The following BRD10 variants were observed in gnomAD, a reference collection of about 807,000 sequenced individuals.
BRD10 encodes the protein bromodomain containing 10.
the BRD10 span, among the ~76,000 whole-genome samples, chr9:5,905,097 C>T: frequency 1.4e-4 from 21 of 152,054 alleles, no homozygotes; most frequent in Non-Finnish European, 2.6e-4. Context: ...TACTTTTTTT[C>T]AGTGGTTTCC....
the BRD10 span, among the ~76,000 whole-genome samples, chr9:5,990,989 A>G: frequency 1.3e-5 from 2 of 152,224 alleles, no homozygotes; most frequent in African/African-American, 4.8e-5. Flanking sequence ...GAGACAGATT[A>G]AATAATGTAC....
At chr9:5,957,648 G>A in the BRD10 span, among the ~76,000 whole-genome samples, 2 of 152,114 alleles carry the variant, frequency 1.3e-5, no homozygotes, top group African/African-American at 4.8e-5. Context: ...ATCTGCTTCT[G>A]TTTGGTTCAG....
At chr9:5,939,607 T>G in the BRD10 span, among the ~76,000 whole-genome samples, 2 of 152,202 alleles carry the variant, frequency 1.3e-5, no homozygotes, top group South Asian at 4.1e-4. Context: ...GGTATTATGA[T>G]TTCAGTGATT....
At chr9:6,007,875 G>T in the BRD10 span, 2 of 1,370,320 alleles carry the variant, frequency 1.5e-6, no homozygotes, top group Non-Finnish European at 1.9e-6. Flanking sequence ...TCACGGCTCG[G>T]CCGCGGCGCG....
At chr9:5,958,047 T>G in the BRD10 span, among the ~76,000 whole-genome samples, 1 of 152,124 alleles carries the variant, frequency 6.6e-6, no homozygotes, top group South Asian at 2.1e-4. Context: ...AATTAAAACA[T>G]ACACAGAATT....
the BRD10 span, among the ~76,000 whole-genome samples, chr9:5,932,672 T>C: frequency 6.6e-6 from 1 of 152,000 alleles, no homozygotes. Context: ...CTGGAACCAA[T>C]CTCCCAAGGA....
At chr9:5,970,768 A>T in the BRD10 span, among the ~76,000 whole-genome samples, 1 of 152,164 alleles carries the variant, frequency 6.6e-6, no homozygotes, top group Admixed American at 6.5e-5. Flanking sequence ...AAAAATGGAC[A>T]GGCTGGGTAC....
the BRD10 span, among the ~76,000 whole-genome samples, chr9:5,986,647 G>A: frequency 6.6e-6 from 1 of 152,042 alleles, no homozygotes; most frequent in Non-Finnish European, 1.5e-5. Context: ...TTTGTTCTAT[G>A]CTTAAAATAT....
the BRD10 span, among the ~76,000 whole-genome samples, chr9:5,907,366 G>A: frequency 6.6e-6 from 1 of 152,094 alleles, no homozygotes; most frequent in Non-Finnish European, 1.5e-5. Context: ...ATATACAGAG[G>A]GAAGGGATAA....
chr9:5,989,458 T>TA, the BRD10 span, among the ~76,000 whole-genome samples: 1 of 150,092 alleles, frequency 6.7e-6, no homozygotes, highest in Non-Finnish European at 1.5e-5. Context: ...TTATATAAAT[T>TA]AAAAGTTGAC....
the BRD10 span, chr9:5,892,578 G>A: frequency 4.5e-5 from 72 of 1,603,352 alleles, no homozygotes; most frequent in African/African-American, 7.1e-4. Flanking sequence ...ACCCAGCAGG[G>A]CTTCCAGTTT....
chr9:5,953,952 G>A, the BRD10 span: 25 of 881,502 alleles, frequency 2.8e-5, no homozygotes, highest in African/African-American at 1.5e-4. Flanking sequence ...CCAAACTCTC[G>A]AGGAATGATA....
At chr9:5,956,716 C>G in the BRD10 span, among the ~76,000 whole-genome samples, 1 of 152,130 alleles carries the variant, frequency 6.6e-6, no homozygotes, top group Non-Finnish European at 1.5e-5. Flanking sequence ...TACTCCATCT[C>G]AGTTCTTCTT....
At chr9:5,882,607 C>G in the BRD10 span, among the ~76,000 whole-genome samples, 1 of 152,220 alleles carries the variant, frequency 6.6e-6, no homozygotes, top group Non-Finnish European at 1.5e-5. Context: ...CAGTCTCACA[C>G]TGAAGTCACC....
At chr9:5,972,830 T>C in the BRD10 span, among the ~76,000 whole-genome samples, 1 of 152,154 alleles carries the variant, frequency 6.6e-6, no homozygotes, top group East Asian at 1.9e-4. Flanking sequence ...TAAGACACTC[T>C]TCAACAGCAA....
chr9:5,956,037 T>C, the BRD10 span, among the ~76,000 whole-genome samples: 5 of 152,154 alleles, frequency 3.3e-5, no homozygotes, highest in Non-Finnish European at 7.4e-5. Context: ...TGCTGACTTA[T>C]GTATGGGAAG....
chr9:5,910,171 G>C, the BRD10 span: 1 of 152,178 alleles, frequency 6.6e-6, no homozygotes, highest in Admixed American at 6.5e-5. Context: ...GCTTACAAGA[G>C]TTTTAAAGAA....
the BRD10 span, among the ~76,000 whole-genome samples, chr9:5,979,674 C>G: frequency 6.6e-6 from 1 of 151,988 alleles, no homozygotes; most frequent in Non-Finnish European, 1.5e-5. Flanking sequence ...TAGAAATTTA[C>G]TTGAGGAGAA....
chr9:5,931,596 G>T, the BRD10 span, among the ~76,000 whole-genome samples: 1 of 151,980 alleles, frequency 6.6e-6, no homozygotes, highest in Admixed American at 6.6e-5. Flanking sequence ...ATGTTTTGTG[G>T]CCTTCTTCTC....
Sources: gnomAD v4.1 joint callset for allele counts (sites outside exome capture counted in the v4.1 genomes callset) on GRCh38, gnomAD v4.1.1 for gene constraint, MANE v1.5 for transcripts, NCBI Gene and HGNC (gene_info 2026-07-23, HGNC 2026-07-21) for gene names.